TMOD1: variants seen among roughly 807,000 people sequenced by gnomAD.
TMOD1 encodes tropomodulin-1.
In TMOD1, 17 loss-of-function variants were observed where a neutral mutation model predicts 40.6. The ratio of observed to expected loss-of-function variants is 0.42; its 90% CI spans 0.29 to 0.63. The LOEUF is 0.63. TMOD1 is among the 20% of genes least tolerant of loss of function. TMOD1 has a pLI of 0.22. For missense variants in TMOD1, 391 were observed against 447.6 expected (o/e 0.87, Z 1.14); for synonymous variants, 181 against 175.0 (o/e 1.03, Z -0.27).
At chr9:97,547,301 C>T (rs1412025206) in intron 3 of TMOD1, among the ~76,000 whole-genome samples, 1 of 152,054 alleles carries the variant, frequency 6.6e-6, no homozygotes, top group African/African-American at 2.4e-5. Context: ...GCACATACTC[C>T]CTATGCCTGG....
intron 1 of TMOD1, among the ~76,000 whole-genome samples, chr9:97,523,311 C>T (rs1829946545): frequency 6.6e-6 from 1 of 152,154 alleles, no homozygotes; most frequent in African/African-American, 2.4e-5. Context: ...GTCTGGGAAG[C>T]AGCAGAGGTG....
chr9:97,506,822 A>G (rs1829599339), intron 1 of TMOD1, among the ~76,000 whole-genome samples: 1 of 152,198 alleles, frequency 6.6e-6, no homozygotes, highest in South Asian at 2.1e-4. Context: ...TCTAACTTTA[A>G]TGTGCATTGA....
rs891217725 is a variant in TMOD1 at position 97,504,397 on chromosome 9, G to A, written c.-49+2594G>A. 3.3e-5 allele frequency among the ~76,000 whole-genome samples: 5 copies of A among 152,288 alleles called. No homozygotes were observed. In the East Asian group the frequency reaches 5.8e-4, roughly 18 times the overall value. ...AAAGCTTGGATGAGAAAGGAAGGGA[G>A]AGGGAAGGTAGCAGGAACTGAGGAC... On this transcript the variant is annotated intron_variant, in intron 1 of 9. Transcript: ENST00000259365.
At position 97,565,829 on chromosome 9, in the gene TMOD1, G is replaced by A. The variant is rs774747482; in HGVS notation, c.619-19G>A. 1.2e-6 allele frequency: 2 copies of A among 1,601,266 alleles called. No homozygotes were observed. The highest frequency in any genetic ancestry group is 1.7e-6 in the Non-Finnish European group (2 of 1,168,612). On this transcript the variant is annotated intron_variant, in intron 6 of 9. Coordinates refer to ENST00000259365, the MANE Select transcript of TMOD1 (RefSeq NM_003275.4). ...GAGGAGGCTTCTGGTCACTCTCTCT[G>A]TTGCCTTTCTTTGTGCAGAATATCC...
chr9:97,511,587 C>CTTGT (rs1039180363), intron 1 of TMOD1, among the ~76,000 whole-genome samples: 11 of 151,996 alleles, frequency 7.2e-5, no homozygotes, highest in South Asian at 2.1e-4. Context: ...TGTTTGTTTG[C>CTTGT]TTGTTTGTTT....
At position 97,513,428 on chromosome 9, in the gene TMOD1, C is replaced by A. The variant is rs923333625; in HGVS notation, c.-48-10713C>A. Among the ~76,000 whole-genome samples, 2 of 152,130 alleles carry A rather than the reference C, an allele frequency of 1.3e-5. No homozygotes were observed. Among genetic ancestry groups the A allele is most frequent in the African/African-American group, 4.8e-5 (2 of 41,412 alleles). ...ATTTCAGCCCAGGTTTGCATGACCCCTAGTTCAAGCTCTCATCTTTAACCA... is the reference window on the plus strand; with the variant it reads ...ATTTCAGCCCAGGTTTGCATGACCCATAGTTCAAGCTCTCATCTTTAACCA... On this transcript the variant is annotated intron_variant, in intron 1 of 9. Coordinates refer to ENST00000259365, the MANE Select transcript of TMOD1 (RefSeq NM_003275.4). The surrounding 1 kb of genome is among the most constrained non-coding windows in gnomAD (Gnocchi z 4.1).
At position 97,600,655 on chromosome 9, in the gene TMOD1, T is replaced by C; in HGVS notation, c.*957T>C. ...TTCAGCTACTGATCTCATCACTTAT[T>C]AGACAAATTGCTGCTGACCTTACGC... On this transcript the variant is annotated 3_prime_UTR_variant, in exon 10 of 10. Coordinates refer to ENST00000259365, the MANE Select transcript of TMOD1 (RefSeq NM_003275.4). 1 of 991,642 alleles carries C rather than the reference T, an allele frequency of 1.0e-6. No individual in the cohort carries two copies. The highest frequency in any genetic ancestry group is 1.2e-6 in the Non-Finnish European group (1 of 833,824). The allele number at this position is 991,642 out of a possible 1,614,324, so 61.4% of individuals were successfully genotyped here.
chr9:97,521,425 C>G (rs530119843), intron 1 of TMOD1, among the ~76,000 whole-genome samples: 4 of 152,160 alleles, frequency 2.6e-5, no homozygotes, highest in Non-Finnish European at 5.9e-5. Context: ...TTCTGGACAT[C>G]TCTGTGAGTT....
chr9:97,569,061 A>G lies in TMOD1; in HGVS notation c.870+24A>G. 17 of 1,612,122 alleles carry G rather than the reference A, an allele frequency of 1.1e-5. 1 individual carries two copies. The highest frequency in any genetic ancestry group is 1.4e-5 in the Non-Finnish European group (17 of 1,178,512). On this transcript the variant is annotated intron_variant, in intron 8 of 9. Coordinates refer to ENST00000259365, the MANE Select transcript of TMOD1 (RefSeq NM_003275.4). Reference sequence around the variant, plus strand: ...AGGTGAGATGGGCAACGGTCTCCTCAGGTCTGTTACTACATGCAGCTCGCT... The same window carrying G: ...AGGTGAGATGGGCAACGGTCTCCTCGGGTCTGTTACTACATGCAGCTCGCT...
At position 97,591,393 on chromosome 9, in the gene TMOD1, C is replaced by T. The variant is rs759182804; in HGVS notation, c.973C>T (p.Arg325Trp). The change falls in exon 9 of 10, where the codon CGG becomes TGG. Residue 325 changes from arginine to tryptophan, a missense_variant. Coordinates refer to ENST00000259365, the MANE Select transcript of TMOD1 (RefSeq NM_003275.4). ...CTACCACTTTACCCAGCAAGGACCC[C>T]GGCTTCGGGCATCCAACGCAATGAT... ...FGYHFTQQGPRLRASNAMMNN... is the reference protein window; with the variant it reads ...FGYHFTQQGPWLRASNAMMNN... The T allele has an allele frequency of 8.7e-6, 14 of 1,614,078 alleles. No individual in the cohort carries two copies. The East Asian group carries it at 8.9e-5, about 10-fold the overall frequency.
At position 97,575,066 on chromosome 9, in the gene TMOD1, A is replaced by G. The variant is rs576228492; in HGVS notation, c.870+6029A>G. Among the ~76,000 whole-genome samples the G allele has an allele frequency of 4.6e-5, 7 of 152,332 alleles. No individual in the cohort carries two copies. The South Asian group carries it at 1.2e-3, about 27-fold the overall frequency. On this transcript the variant is annotated intron_variant, in intron 8 of 9. Transcript: ENST00000259365. ...GCAACCCGCTCGGGTCCACTTCCGC[A>G]CTGTGGAAACTTTGTTCTTTCTCTG...
intron 2 of TMOD1, among the ~76,000 whole-genome samples, chr9:97,525,461 G>A (rs955767237): frequency 1.3e-5 from 2 of 152,192 alleles, no homozygotes; most frequent in African/African-American, 4.8e-5. Context: ...GTTGTAGCTG[G>A]TATTTATAAC....
In TMOD1 at chr9:97,546,273, A is replaced by G. The variant is rs1036489191; in HGVS notation, c.209A>G (p.His70Arg). The part of the protein sequence containing the change: ...GPFKREELLD[H>R]LEKQAKEFKD... ...TTTAAAAGAGAGGAGCTCTTGGATC[A>G]CTTGGAAAAGCAAGCAAAGGAGTTT... Residue 70 changes from histidine (H) to arginine (R), a missense_variant, in exon 3 of 10, where the codon CAC becomes CGC. By Grantham distance (29) the His-to-Arg change is conservative. Coordinates refer to ENST00000259365, the MANE Select transcript of TMOD1 (RefSeq NM_003275.4). 3.1e-6 allele frequency: 5 copies of G among 1,614,014 alleles called. No individual in the cohort carries two copies. The highest frequency in any genetic ancestry group is 1.1e-5 in the South Asian group (1 of 91,076).
At chr9:97,525,785 C>T (rs905592244) in intron 2 of TMOD1, among the ~76,000 whole-genome samples, 1 of 152,228 alleles carries the variant, frequency 6.6e-6, no homozygotes, top group Non-Finnish European at 1.5e-5. Flanking sequence ...CTCATTGATT[C>T]AGAGTCATGA....
intron 8 of TMOD1, among the ~76,000 whole-genome samples, chr9:97,582,094 T>G (rs1438406633): frequency 6.6e-6 from 1 of 152,234 alleles, no homozygotes; most frequent in Non-Finnish European, 1.5e-5. Flanking sequence ...TGAATGGTAA[T>G]TTAGCCTAGG....
Position 97,546,163 on chromosome 9 carries a change from C to A in TMOD1, c.121-22C>A. ...CTCTCTCTCTTTCTCTCTCTCCTGC[C>A]CCCCCACAACCTCCAATGTAGAATG... On this transcript the variant is annotated intron_variant, in intron 2 of 9. Transcript: ENST00000259365. 3.8e-6 allele frequency: 6 copies of A among 1,590,816 alleles called. No homozygotes were observed. The South Asian group carries it at 5.7e-5, about 15-fold the overall frequency.
At chr9:97,534,354 G>A (rs1006815993) in intron 2 of TMOD1, among the ~76,000 whole-genome samples, 16 of 152,176 alleles carry the variant, frequency 1.1e-4, no homozygotes, top group African/African-American at 3.9e-4. Context: ...AGAGGAGTTG[G>A]CAGGACTTTA....
rs541630660 is a variant in TMOD1, at chr9:97,576,846, A to G, written c.870+7809A>G. 5.3e-5 allele frequency among the ~76,000 whole-genome samples: 8 copies of G among 151,752 alleles called. No homozygotes were observed. In the East Asian group the frequency reaches 7.8e-4, roughly 15 times the overall value. ...AGTAGAGACCGGGTTTCACCATGTT[A>G]GCCAGGATGGTCTCGATCTCCTGAC... is the stretch of plus-strand genomic sequence containing the variant. On this transcript the variant is annotated intron_variant, in intron 8 of 9. Coordinates refer to ENST00000259365, the MANE Select transcript of TMOD1 (RefSeq NM_003275.4).
At chr9:97,508,057 TCACACACACACACACACACACACACA>T (rs56669574) in intron 1 of TMOD1, among the ~76,000 whole-genome samples, 3 of 131,992 alleles carry the variant, frequency 2.3e-5, no homozygotes, top group Non-Finnish European at 3.3e-5. Flanking sequence ...TCTTCCTGAT[TCACACACACACACACACACACACACA>T]CACACACACA....
Sources: gnomAD v4.1 joint callset for allele counts (sites outside exome capture counted in the v4.1 genomes callset) on GRCh38, gnomAD v4.1.1 for gene constraint, Gnocchi (gnomAD v3.1) non-coding constraint, MANE v1.5 for transcripts, NCBI Gene and HGNC (gene_info 2026-07-23, HGNC 2026-07-21) for gene names.